The following DNAJC21 variants were observed in gnomAD, a reference collection of about 807,000 sequenced individuals.
DNAJC21 encodes the protein DnaJ heat shock protein family (Hsp40) member C21.
Under a neutral mutation model 72.4 loss-of-function variants are expected in DNAJC21, and 63 were observed. The ratio of observed to expected loss-of-function variants is 0.87; its 90% confidence interval spans 0.71 to 1.07. The LOEUF is 1.07. Among genes scored for constraint, DNAJC21 ranks in the 50% least tolerant of loss-of-function variants. The pLI is 0.00. For synonymous variants in DNAJC21, 203 were observed against 216.7 expected, an observed-to-expected ratio of 0.94 and a Z score of 0.56; for missense variants, 634 against 644.8, an observed-to-expected ratio of 0.98 and a Z score of 0.18.
At chr5:34,931,551 G>T (rs960618928) in intron 1 of DNAJC21, among the ~76,000 whole-genome samples, 2 of 152,206 alleles carry the variant, frequency 1.3e-5, no homozygotes, top group Non-Finnish European at 2.9e-5. Flanking sequence ...AAATCAGATT[G>T]TATTTCTTGA....
intron 1 of DNAJC21, among the ~76,000 whole-genome samples, chr5:34,931,907 A>C (rs1162391236): frequency 6.6e-6 from 1 of 152,214 alleles, no homozygotes. Flanking sequence ...AGTATCAGTT[A>C]ACTCCTTTGA....
In DNAJC21 at chr5:34,937,322, C is replaced by T; in HGVS notation, c.439-4C>T. ...AGAAGTTAATCTGTTTTCTTTGTCA[C>T]TAGGTAGTCCATCCTTTCTACGCTT... is the stretch of plus-strand genomic sequence containing the variant. On this transcript the variant is annotated splice_polypyrimidine_tract_variant and splice_region_variant and intron_variant, in intron 4 of 11. Coordinates refer to ENST00000648817, the MANE Select transcript of DNAJC21 (RefSeq NM_001012339.3). The T allele has an allele frequency of 1.3e-6, 2 of 1,599,126 alleles. No individual in the cohort carries two copies. The highest frequency in any genetic ancestry group is 1.7e-6 in the Non-Finnish European group (2 of 1,173,776).
At chr5:34,934,952 C>T (rs529678494) in intron 2 of DNAJC21, among the ~76,000 whole-genome samples, 1 of 152,166 alleles carries the variant, frequency 6.6e-6, no homozygotes, top group South Asian at 2.1e-4. Flanking sequence ...GCCTTCTTCC[C>T]AGAACTTTGA....
intron 1 of DNAJC21, 127 bp from the exon 2 acceptor site, chr5:34,933,688 G>T: frequency 1.6e-6 from 1 of 618,598 alleles, no homozygotes; most frequent in East Asian, 2.9e-5. Flanking sequence ...GAGTCTTTCT[G>T]CTTGGCCCTG....
chr5:34,949,477 A>G, intron 9 of DNAJC21: 2 of 1,546,470 alleles, frequency 1.3e-6, no homozygotes, highest in Middle Eastern at 1.7e-4. Flanking sequence ...TGGGTTGTGT[A>G]ACAGATAATA....
chr5:34,953,701 A>C, intron 10 of DNAJC21: 1 of 429,994 alleles, frequency 2.3e-6, no homozygotes, highest in Non-Finnish European at 4.1e-6. Flanking sequence ...TGTTTTAAGG[A>C]AATTCCTTAA....
intron 7 of DNAJC21, 26 bp downstream of exon 7, chr5:34,941,209 T>A (rs747283388): frequency 1.2e-6 from 2 of 1,600,794 alleles, no homozygotes; most frequent in Non-Finnish European, 1.7e-6. Context: ...TAATTTAATT[T>A]AATTTTGAGA....
chr5:34,930,195 T>G, intron 1 of DNAJC21: 3 of 221,540 alleles, frequency 1.4e-5, no homozygotes, highest in Non-Finnish European at 8.9e-6. Flanking sequence ...ACAACCTCAC[T>G]TGCTCCCGCT....
In DNAJC21 at chr5:34,956,071, AAAAAG is replaced by A; in HGVS notation, c.*1361_*1365del. 1 of 152,018 alleles carries A rather than the reference AAAAAG, an allele frequency of 6.6e-6. No individual in the cohort carries two copies. The highest frequency in any genetic ancestry group is 2.4e-5 in the African/African-American group (1 of 41,296). The allele number at this position is 152,018 out of a possible 1,614,324, so 9.4% of individuals were successfully genotyped here. On this transcript the variant is annotated 3_prime_UTR_variant, in exon 12 of 12. Coordinates refer to ENST00000648817, the MANE Select transcript of DNAJC21 (RefSeq NM_001012339.3). ...CCGTCTCAAAAAAAAAAAAAAAAAA[AAAAAG>A]AAAGTAATTTTAAACTCACTGGCTT... is the stretch of plus-strand genomic sequence containing the variant.
chr5:34,944,726 AAG>A, intron 7 of DNAJC21, 139 bp from the exon 8 acceptor site: 1 of 1,235,232 alleles, frequency 8.1e-7, no homozygotes, highest in Non-Finnish European at 1.1e-6. Flanking sequence ...AATAAAAAAA[AAG>A]AAAAAAATAA....
intron 7 of DNAJC21, 63 bp from the exon 8 acceptor site, chr5:34,944,804 C>G (rs745901246): frequency 2.3e-5 from 37 of 1,585,218 alleles, no homozygotes; most frequent in Non-Finnish European, 2.9e-5. Context: ...AGTTATCCAG[C>G]AACATTATCT....
At chr5:34,934,509 G>A (rs1764705390) in intron 2 of DNAJC21, among the ~76,000 whole-genome samples, 1 of 151,864 alleles carries the variant, frequency 6.6e-6, no homozygotes, top group African/African-American at 2.4e-5. Flanking sequence ...AGGATTACAA[G>A]TATGAGCCAC....
In DNAJC21 at chr5:34,957,367, C is replaced by CT. The variant is rs1765565483; in HGVS notation, c.*2654dup. On this transcript the variant is annotated 3_prime_UTR_variant, in exon 12 of 12. Coordinates refer to ENST00000648817, the MANE Select transcript of DNAJC21 (RefSeq NM_001012339.3). ...TGTAATTCATTCAGTGGTGCCAAAGCTGGGGGTTCCCTACAATGGCTATTT... is the reference window on the plus strand; with the variant it reads ...TGTAATTCATTCAGTGGTGCCAAAGCTTGGGGGTTCCCTACAATGGCTATTT... 1 of 152,136 alleles carries CT rather than the reference C, an allele frequency of 6.6e-6. No individual in the cohort carries two copies. Among genetic ancestry groups the CT allele is most frequent in the South Asian group, 2.1e-4 (1 of 4,828 alleles). 9.4% of individuals were successfully genotyped at this position (152,136 alleles called of 1,614,324 possible).
chr5:34,943,436 ACGT>A (rs1765065147), intron 7 of DNAJC21, among the ~76,000 whole-genome samples: 1 of 152,224 alleles, frequency 6.6e-6, no homozygotes, highest in Non-Finnish European at 1.5e-5. Flanking sequence ...AGCTGGAGAC[ACGT>A]AAAGTCCTTC....
chr5:34,950,224 C>T lies in DNAJC21; in HGVS notation c.1240C>T (p.Pro414Ser). 1 of 1,613,466 alleles carries T rather than the reference C, an allele frequency of 6.2e-7. No homozygotes were observed. The highest frequency in any genetic ancestry group is 1.1e-5 in the South Asian group (1 of 90,988). Residue 414 changes from proline (P) to serine (S), a missense_variant, in exon 10 of 12, where the codon CCA (proline) becomes TCA (serine). Physicochemically the swap from Pro to Ser is moderately conservative, Grantham distance 74. Coordinates refer to ENST00000648817, the MANE Select transcript of DNAJC21 (RefSeq NM_001012339.3). ...ACCTGGAGAAGGAGTAAAGGTTGAT[C>T]CAGAAGATACTAACTTAAATCAAGA... ...NGPGEGVKVDPEDTNLNQDSA... is the reference protein window; with the variant it reads ...NGPGEGVKVDSEDTNLNQDSA...
Position 34,933,829 on chromosome 5 carries a change from A to G in DNAJC21, c.112A>G (p.Asn38Asp), listed in dbSNP as rs1764679216. 6.2e-7 allele frequency: 1 copy of G among 1,613,690 alleles called. No homozygotes were observed. The highest frequency in any genetic ancestry group is 1.3e-5 in the African/African-American group (1 of 74,926). Residue 38 changes from asparagine (N) to aspartate (D), a missense_variant, in exon 2 of 12, where the codon AAT becomes GAT. Transcript: ENST00000648817. ...GACTTTAACAGATAAAAATCTGGAT[A>G]ATGCCGCAGAAGCAGCTGAACAATT... ...LKWHPDKNLD[N>D]AAEAAEQFKL...
intron 1 of DNAJC21, among the ~76,000 whole-genome samples, chr5:34,933,228 A>G (rs1447731365): frequency 1.3e-5 from 2 of 152,226 alleles, no homozygotes; most frequent in Non-Finnish European, 2.9e-5. Flanking sequence ...TAAAATTTAT[A>G]CTACTCAGGT....
Position 34,936,281 on chromosome 5 carries a change from C to T in DNAJC21, c.438+15C>T. 2.5e-6 allele frequency: 4 copies of T among 1,603,310 alleles called. No homozygotes were observed. The highest frequency in any genetic ancestry group is 3.4e-6 in the Non-Finnish European group (4 of 1,177,420). On this transcript the variant is annotated intron_variant, in intron 4 of 11. Coordinates refer to ENST00000648817, the MANE Select transcript of DNAJC21 (RefSeq NM_001012339.3). ...ACTATGATACGGTAAAATAAAAATG[C>T]ATTGTTCTATAATTAGTATTTATCA... is the stretch of plus-strand genomic sequence containing the variant.
intron 6 of DNAJC21, among the ~76,000 whole-genome samples, chr5:34,939,531 C>T (rs1272927098): frequency 6.6e-6 from 1 of 152,224 alleles, no homozygotes; most frequent in Non-Finnish European, 1.5e-5. Context: ...TCCCAAAGTG[C>T]TGGGATTACA....
Sources: allele counts gnomAD v4.1 joint callset (sites outside exome capture counted in the v4.1 genomes callset), GRCh38; gene constraint gnomAD v4.1.1; transcripts MANE v1.5; gene names NCBI Gene and HGNC (gene_info 2026-07-23, HGNC 2026-07-21).